The following NTRK1 variants were observed in gnomAD, a reference collection of about 807,000 sequenced individuals.
NTRK1 encodes the protein neurotrophic receptor tyrosine kinase 1.
A neutral mutation model predicts 86.8 loss-of-function variants in NTRK1; 62 were observed. The ratio of observed to expected loss-of-function variants is 0.71; its 90% CI spans 0.58 to 0.88. The LOEUF is 0.88. Among genes scored for constraint, NTRK1 ranks in the 40% least tolerant of loss-of-function variants. The pLI, the probability that NTRK1 is intolerant of heterozygous loss-of-function variation, is 0.00. For missense variants in NTRK1, 967 were observed against 1,078.4 expected (o/e 0.90, Z 1.45); for synonymous variants, 469 against 456.6 (o/e 1.03, Z -0.35).
chr1:156,863,668 GTGTGTGTGTGTGTATGTC>G (rs1330409469), intron 1 of NTRK1, among the ~76,000 whole-genome samples: 1 of 151,964 alleles, frequency 6.6e-6, no homozygotes, highest in Non-Finnish European at 1.5e-5. Flanking sequence ...GTTTGTGTGT[GTGTGTGTGTGTGTATGTC>G]TGTGTGTGTG....
intron 1 of NTRK1, among the ~76,000 whole-genome samples, chr1:156,863,164 C>T (rs1655758075): frequency 6.6e-6 from 1 of 152,094 alleles, no homozygotes; most frequent in Admixed American, 6.5e-5. Context: ...CTAGGCAGGC[C>T]CCAGGGCGTC....
intron 2 of NTRK1, chr1:156,845,680 G>T: frequency 1.2e-6 from 2 of 1,611,910 alleles, no homozygotes; most frequent in Non-Finnish European, 1.7e-6. Context: ...GAGGCCTCTT[G>T]CGCCTCCAGC....
At chr1:156,847,657 C>T (rs866843533) in intron 2 of NTRK1, among the ~76,000 whole-genome samples, 2 of 150,830 alleles carry the variant, frequency 1.3e-5, no homozygotes. Flanking sequence ...CAGGATAGTC[C>T]AGGAGCAGGT....
Position 156,854,190 on chromosome 1 carries a change from C to G in NTRK1, c.51-10164C>G, listed in dbSNP as rs1443151347. 9.3e-6 allele frequency: 15 copies of G among 1,614,114 alleles called. No homozygotes were observed. Among genetic ancestry groups the G allele is most frequent in the Non-Finnish European group, 1.3e-5 (15 of 1,180,030 alleles). On this transcript the variant is annotated intron_variant, in intron 2 of 16. Transcript: ENST00000392302. The surrounding 1 kb of genome is among the most constrained non-coding windows in gnomAD (Gnocchi z 4.2). ...CGAGGGAAGCTGAGGCCGCGGAAGTCCTCCCCGGTGGCTGTGAACATGAGC... is the reference window on the plus strand; with the variant it reads ...CGAGGGAAGCTGAGGCCGCGGAAGTGCTCCCCGGTGGCTGTGAACATGAGC...
intron 1 of NTRK1, among the ~76,000 whole-genome samples, chr1:156,836,285 G>A (rs1654598482): frequency 6.6e-6 from 1 of 152,210 alleles, no homozygotes; most frequent in Non-Finnish European, 1.5e-5. Flanking sequence ...GGACAGGGCT[G>A]GGTAAAAAGT....
intron 1 of NTRK1, chr1:156,841,772 C>T (rs760770742): frequency 6.2e-7 from 1 of 1,614,146 alleles, no homozygotes; most frequent in Non-Finnish European, 8.5e-7. Context: ...CTGTCTCATA[C>T]ACGTCCCGAG....
chr1:156,846,906 AG>A (rs530066621), intron 2 of NTRK1: 28 of 657,072 alleles, frequency 4.3e-5, no homozygotes, highest in East Asian at 1.1e-4. Context: ...GACCTTGGCA[AG>A]GGGGGGCGGA....
chr1:156,858,921 A>C, upstream of NTRK1: 2 of 406,952 alleles, frequency 4.9e-6, no homozygotes, highest in Non-Finnish European at 9.2e-6. Flanking sequence ...GAGGGAGAAA[A>C]TGACACAGGG....
chr1:156,845,463 T>A, intron 2 of NTRK1: 1 of 1,523,322 alleles, frequency 6.6e-7, no homozygotes, highest in Non-Finnish European at 8.8e-7. Context: ...TGCACCCCTG[T>A]GCCCTCTGCA....
At chr1:156,862,105 G>A (rs1293620192) in intron 1 of NTRK1, among the ~76,000 whole-genome samples, 1 of 152,184 alleles carries the variant, frequency 6.6e-6, no homozygotes, top group Non-Finnish European at 1.5e-5. Context: ...GGGTTTCGAG[G>A]GTGGACAAGG....
chr1:156,842,425 A>G, intron 2 of NTRK1: 3 of 1,614,020 alleles, frequency 1.9e-6, no homozygotes, highest in Non-Finnish European at 2.5e-6. Flanking sequence ...AAGATCGAAG[A>G]TGGCTCTTGA....
In NTRK1 at chr1:156,873,601, G is replaced by GA. The variant is rs575572009; in HGVS notation, c.851-31dup. On this transcript the variant is annotated intron_variant, in intron 7 of 16. Transcript: ENST00000524377. ...GCCAGGCTCCCTCCAGCTGCGCCCT[G>GA]ACCTCCTGCTGTTGCTCTTTCTGGC... The GA allele has an allele frequency of 1.1e-3, 1,702 of 1,598,384 alleles. 20 individuals carry two copies. In the South Asian group the frequency reaches 0.014, roughly 13 times the overall value.
intron 6 of NTRK1, among the ~76,000 whole-genome samples, chr1:156,869,466 G>A (rs957746806): frequency 6.6e-5 from 10 of 152,084 alleles, no homozygotes; most frequent in Admixed American, 4.6e-4. Context: ...CGGGGGTATC[G>A]TGGTCTTTTT....
Position 156,880,266 on chromosome 1 carries a change from T to G in NTRK1, c.2205+109T>G, listed in dbSNP as rs573336345. On this transcript the variant is annotated intron_variant, in intron 16 of 16. Coordinates refer to ENST00000524377, the MANE Select transcript of NTRK1 (RefSeq NM_002529.4). ...CTTCTGCCCCTCTGCCACAGCCTGT[T>G]GGGGGGCCCTTTCCAGCGCCGTGCC... The G allele has an allele frequency of 5.1e-5, 63 of 1,224,252 alleles. No homozygotes were observed. In the South Asian group the frequency reaches 7.7e-4, roughly 15 times the overall value. The allele number at this position is 1,224,252 out of a possible 1,614,324, so 75.8% of individuals were successfully genotyped here.
intron 6 of NTRK1, 47 bp from the exon 7 acceptor site, chr1:156,871,576 A>G: frequency 1.9e-6 from 3 of 1,610,638 alleles, no homozygotes; most frequent in Non-Finnish European, 2.5e-6. Context: ...CCCAGCCCCA[A>G]GCTGGCTAAA....
At chr1:156,875,911 C>T in intron 12 of NTRK1, 169 bp from the exon 13 acceptor site, 1 of 1,179,868 alleles carries the variant, frequency 8.5e-7, no homozygotes, top group East Asian at 2.5e-5. Flanking sequence ...GGTGCAGCCC[C>T]ACACTATGAC....
At chr1:156,843,826 T>G (rs896452805) in intron 2 of NTRK1, among the ~76,000 whole-genome samples, 7 of 152,242 alleles carry the variant, frequency 4.6e-5, no homozygotes, top group Admixed American at 2.6e-4. Flanking sequence ...GCCTCCTGCT[T>G]CTTCTCCTAA....
rs3840456 is a variant in NTRK1, at chr1:156,817,047, T to TTCTCTCTCTCTCTCTCTCTCTCTCTCTC, written c.-64+1210_-64+1237dup. Among the ~76,000 whole-genome samples, 264 of 113,824 alleles carry TTCTCTCTCTCTCTCTCTCTCTCTCTCTC rather than the reference T, an allele frequency of 2.3e-3. 20 individuals are homozygous for TTCTCTCTCTCTCTCTCTCTCTCTCTCTC. Among genetic ancestry groups the TTCTCTCTCTCTCTCTCTCTCTCTCTCTC allele is most frequent in the South Asian group, 6.4e-3 (20 of 3,140 alleles). The allele number at this position is 113,824 out of a possible 152,430, so 74.7% of individuals were successfully genotyped here. A position where few individuals can be genotyped will look rare whatever the true frequency, so the allele number is the denominator to read the frequency against. The stretch of plus-strand genomic sequence containing the variant: ...CCTCACCCCAAACTAGAACTTCCCT[T>TTCTCTCTCTCTCTCTCTCTCTCTCTCTC]TCTCTCTCTCTCTCTCTCTCTCTCT... On this transcript the variant is annotated intron_variant, in intron 1 of 16. Transcript: ENST00000392302.
chr1:156,846,453 G>A (rs1655011459), intron 2 of NTRK1: 4 of 1,303,574 alleles, frequency 3.1e-6, no homozygotes, highest in Non-Finnish European at 3.3e-6. Flanking sequence ...TATTTCTGGT[G>A]CCTGTGCTCC....
Sources: gnomAD v4.1 joint callset for allele counts (sites outside exome capture counted in the v4.1 genomes callset) on GRCh38, gnomAD v4.1.1 for gene constraint, Gnocchi (gnomAD v3.1) non-coding constraint, MANE v1.5 for transcripts, NCBI Gene and HGNC (gene_info 2026-07-23, HGNC 2026-07-21) for gene names.